The following PRKCA variants were observed in gnomAD, a reference collection of about 807,000 sequenced individuals.
The protein encoded by PRKCA is protein kinase C alpha type.
In PRKCA, 27 loss-of-function variants were observed where a neutral mutation model predicts 87.0. The ratio of observed to expected loss-of-function variants is 0.31; its 90% CI spans 0.23 to 0.43. The LOEUF (loss-of-function observed/expected upper bound fraction) is 0.43. Among genes scored for constraint, PRKCA ranks in the 20% least tolerant of loss-of-function variants. The pLI, the probability that PRKCA is intolerant of heterozygous loss-of-function variation, is 1.00. For missense variants in PRKCA, 518 were observed against 852.3 expected (o/e 0.61, Z 4.88); for synonymous variants, 329 against 311.1 (o/e 1.06, Z -0.61).
chr17:66,337,918 AT>A (rs959221654), intron 2 of PRKCA, among the ~76,000 whole-genome samples: 2 of 151,936 alleles, frequency 1.3e-5, no homozygotes, highest in Non-Finnish European at 2.9e-5. Flanking sequence ...CAAAAAGCCA[AT>A]TAAAAAAAAA....
chr17:66,521,449 T>C (rs1162991958), intron 3 of PRKCA, among the ~76,000 whole-genome samples: 1 of 152,234 alleles, frequency 6.6e-6, no homozygotes. Flanking sequence ...AATTCTCAAT[T>C]GCTTTTCACG....
At chr17:66,762,818 G>A (rs960220011) in intron 13 of PRKCA, among the ~76,000 whole-genome samples, 4 of 152,152 alleles carry the variant, frequency 2.6e-5, no homozygotes, top group Non-Finnish European at 4.4e-5. Context: ...TGTTTTAGAC[G>A]GAGTCTCACT....
chr17:66,592,090 C>T (rs879315794), intron 3 of PRKCA, among the ~76,000 whole-genome samples: 10 of 152,090 alleles, frequency 6.6e-5, no homozygotes, highest in Non-Finnish European at 1.3e-4. Flanking sequence ...CTCTGTGGTT[C>T]ATGCCTGTAA....
intron 2 of PRKCA, among the ~76,000 whole-genome samples, chr17:66,321,670 A>G (rs1170709691): frequency 1.3e-5 from 2 of 152,136 alleles, no homozygotes; most frequent in East Asian, 1.9e-4. Flanking sequence ...CAGCCTCCCA[A>G]GTAGCTGGGA....
intron 2 of PRKCA, among the ~76,000 whole-genome samples, chr17:66,433,303 G>A (rs551285933): frequency 6.6e-6 from 1 of 152,104 alleles, no homozygotes; most frequent in Non-Finnish European, 1.5e-5. Context: ...CCTGGCCCTG[G>A]TCCTGGCCCT....
intron 5 of PRKCA, among the ~76,000 whole-genome samples, chr17:66,646,391 C>A (rs567070380): frequency 2.0e-5 from 3 of 152,170 alleles, no homozygotes; most frequent in African/African-American, 7.2e-5. Flanking sequence ...GGCTTGAGTT[C>A]TCGGTACCAT....
chr17:66,359,635 C>T (rs1011974643), intron 2 of PRKCA, among the ~76,000 whole-genome samples: 3 of 152,172 alleles, frequency 2.0e-5, no homozygotes, highest in African/African-American at 7.2e-5. Flanking sequence ...AATAAATAAT[C>T]TCCACAGATT....
At chr17:66,756,973 AT>A (rs1167312004) in intron 13 of PRKCA, among the ~76,000 whole-genome samples, 4 of 152,150 alleles carry the variant, frequency 2.6e-5, no homozygotes, top group Non-Finnish European at 5.9e-5. Context: ...ATAACCAGGA[AT>A]TTTTTTAAAC....
At position 66,798,968 on chromosome 17, in the gene PRKCA, A is replaced by ATGG. The variant is rs1555650885; in HGVS notation, c.1855-4830_1855-4828dup. Among the ~76,000 whole-genome samples the ATGG allele has an allele frequency of 3.9e-3, 43 of 10,922 alleles. 3 individuals are homozygous for ATGG. The highest frequency in any genetic ancestry group is 5.0e-3 in the Non-Finnish European group (29 of 5,794). The allele number at this position is 10,922 out of a possible 152,430, so 7.2% of individuals were successfully genotyped here. On this transcript the variant is annotated intron_variant, in intron 16 of 16. Coordinates refer to ENST00000413366, the MANE Select transcript of PRKCA (RefSeq NM_002737.3). ...GGTGGTGGTGGTGGTGGTGGTGGTG[A>ATGG]TGGTGGTGGTGGTGGTGGTGGTGGT...
intron 9 of PRKCA, among the ~76,000 whole-genome samples, chr17:66,734,221 T>A (rs1973969156): frequency 6.6e-6 from 1 of 152,178 alleles, no homozygotes. Context: ...GTCCACAGAA[T>A]AAAGTGAAAG....
chr17:66,358,861 T>G (rs1908221551), intron 2 of PRKCA, among the ~76,000 whole-genome samples: 1 of 151,948 alleles, frequency 6.6e-6, no homozygotes, highest in East Asian at 1.9e-4. Context: ...TTTCTATGGT[T>G]ACATACGTTG....
At chr17:66,415,137 G>A (rs1195225785) in intron 2 of PRKCA, 1 of 151,590 alleles carries the variant, frequency 6.6e-6, no homozygotes, top group Non-Finnish European at 1.5e-5. Context: ...CCTTTTAAAA[G>A]CACAGCTTGT....
intron 3 of PRKCA, among the ~76,000 whole-genome samples, chr17:66,528,464 T>C (rs1967424036): frequency 6.6e-6 from 1 of 152,006 alleles, no homozygotes; most frequent in Non-Finnish European, 1.5e-5. Flanking sequence ...CCCAGTGTAA[T>C]CACAAAGGAC....
At chr17:66,729,066 C>T (rs951635410) in intron 8 of PRKCA, among the ~76,000 whole-genome samples, 1 of 152,156 alleles carries the variant, frequency 6.6e-6, no homozygotes, top group Non-Finnish European at 1.5e-5. Flanking sequence ...AGCAGGGTGG[C>T]ATAGTCGGTA....
At chr17:66,427,609 A>G (rs1405345488) in intron 2 of PRKCA, among the ~76,000 whole-genome samples, 1 of 152,204 alleles carries the variant, frequency 6.6e-6, no homozygotes, top group Non-Finnish European at 1.5e-5. Context: ...TCCTGTAGGC[A>G]AGGGCTTTCT....
intron 3 of PRKCA, among the ~76,000 whole-genome samples, chr17:66,568,936 C>G (rs7207146): frequency 0.11 from 16,625 of 151,916 alleles, 970 homozygotes; most frequent in East Asian, 0.15. Context: ...GCTAAGCCTT[C>G]AGTTGCCAAG....
chr17:66,773,075 C>T (rs1202668487), intron 13 of PRKCA, among the ~76,000 whole-genome samples: 1 of 152,142 alleles, frequency 6.6e-6, no homozygotes, highest in Non-Finnish European at 1.5e-5. Context: ...AAGTGATCCT[C>T]CTGCCTCAGC....
intron 2 of PRKCA, among the ~76,000 whole-genome samples, chr17:66,493,306 TG>T (rs1567857175): frequency 2.6e-5 from 4 of 151,596 alleles, no homozygotes; most frequent in East Asian, 3.9e-4. Context: ...TTTGTGTGTG[TG>T]TGTGTGTGTG....
chr17:66,362,813 G>T (rs912899516), intron 2 of PRKCA, among the ~76,000 whole-genome samples: 3 of 152,074 alleles, frequency 2.0e-5, no homozygotes, highest in African/African-American at 7.2e-5. Flanking sequence ...TTATGCCTCA[G>T]TCAGCCGAGT....
Sources: gnomAD v4.1 joint callset for allele counts (sites outside exome capture counted in the v4.1 genomes callset) on GRCh38, gnomAD v4.1.1 for gene constraint, MANE v1.5 for transcripts, NCBI Gene and HGNC (gene_info 2026-07-23, HGNC 2026-07-21) for gene names.